The following HHIPL1 variants were observed in gnomAD, a reference collection of about 807,000 sequenced individuals.
HHIPL1 encodes HHIP like 1, also known as HHIP-like protein 1.
HHIPL1 carries 43 observed loss-of-function variants against 61.8 expected under a neutral mutation model. The ratio of observed to expected loss-of-function variants is 0.70; its 90% CI spans 0.55 to 0.90. The LOEUF (loss-of-function observed/expected upper bound fraction) is 0.90. Among genes scored for constraint, HHIPL1 ranks in the 40% least tolerant of loss-of-function variants. The pLI is 0.00. For synonymous variants in HHIPL1, 482 were observed against 515.8 expected, an observed-to-expected ratio of 0.93 and a Z score of 0.89; for missense variants, 1,056 against 1,157.7, an observed-to-expected ratio of 0.91 and a Z score of 1.28.
intron 5 of HHIPL1, among the ~76,000 whole-genome samples, chr14:99,661,421 A>AGAAGGAAGAAAGGAAGGAAGGAAG (rs2056151451): frequency 7.0e-6 from 1 of 143,406 alleles, no homozygotes; most frequent in Non-Finnish European, 1.5e-5. Flanking sequence ...GAGAGAGAAA[A>AGAAGGAAGAAAGGAAGGAAGGAAG]GAAGGAAGGA....
At chr14:99,666,630 C>A (rs913036947) in intron 6 of HHIPL1, among the ~76,000 whole-genome samples, 7 of 152,188 alleles carry the variant, frequency 4.6e-5, no homozygotes, top group African/African-American at 1.7e-4. Flanking sequence ...ACAGAGGAGA[C>A]CAGGGCTGCT....
At chr14:99,631,877 G>T in the HHIPL1 span, among the ~76,000 whole-genome samples, 1 of 152,180 alleles carries the variant, frequency 6.6e-6, no homozygotes, top group Non-Finnish European at 1.5e-5. Context: ...TGGCCAAAGT[G>T]CCCTGGAGCC....
the HHIPL1 span, among the ~76,000 whole-genome samples, chr14:99,611,920 C>T: frequency 2.0e-5 from 3 of 152,186 alleles, no homozygotes; most frequent in Non-Finnish European, 4.4e-5. Context: ...CTAATTCTTA[C>T]TCCTGCCAGA....
the HHIPL1 span, among the ~76,000 whole-genome samples, chr14:99,622,932 A>G: frequency 6.6e-6 from 1 of 152,202 alleles, no homozygotes; most frequent in East Asian, 1.9e-4. Flanking sequence ...CCTGTCATCA[A>G]TTTCAGAGCC....
the HHIPL1 span, among the ~76,000 whole-genome samples, chr14:99,618,926 G>A: frequency 2.0e-5 from 3 of 152,174 alleles, no homozygotes; most frequent in Non-Finnish European, 4.4e-5. Flanking sequence ...GGAGGAGCAT[G>A]GAGAAGCCCT....
intron 1 of HHIPL1, 81 bp downstream of exon 1, chr14:99,645,543 G>C: frequency 8.2e-7 from 1 of 1,217,614 alleles, no homozygotes; most frequent in Non-Finnish European, 1.0e-6. Context: ...CCGCGGGGGC[G>C]AGGGCCAAGA....
rs4433740 is a variant in HHIPL1 at position 99,679,343 on chromosome 14, A to G, written c.*3717A>G. The G allele has an allele frequency of 0.98, 149,705 of 152,480 alleles. 73,564 individuals carry two copies. Among genetic ancestry groups the G allele is most frequent in the Middle Eastern group, 1 (294 of 294 alleles). 9.4% of individuals were successfully genotyped at this position (152,480 alleles called of 1,614,324 possible). On this transcript the variant is annotated 3_prime_UTR_variant, in exon 9 of 9. Transcript: ENST00000330710. ...GCCTTAAAGTCCTCCAGGGCCTCTG[A>G]GGATGGGGGCACAGCCTTCACCCTC...
chr14:99,617,271 G>A, the HHIPL1 span, among the ~76,000 whole-genome samples: 8 of 152,246 alleles, frequency 5.3e-5, no homozygotes, highest in Non-Finnish European at 8.8e-5. Flanking sequence ...ACATTTACGC[G>A]ATCATCGTCA....
At chr14:99,665,979 A>G in intron 6 of HHIPL1, among the ~76,000 whole-genome samples, 1 of 151,234 alleles carries the variant, frequency 6.6e-6, no homozygotes, top group Non-Finnish European at 1.5e-5. Context: ...ATGGGGTTTC[A>G]CCATGTTGGC....
chr14:99,610,836 G>A, the HHIPL1 span, among the ~76,000 whole-genome samples: 6 of 152,128 alleles, frequency 3.9e-5, no homozygotes, highest in Non-Finnish European at 8.8e-5. Context: ...CATTTGCAGC[G>A]TGCTTCTGCC....
the HHIPL1 span, among the ~76,000 whole-genome samples, chr14:99,622,140 C>A: frequency 6.6e-6 from 1 of 152,190 alleles, no homozygotes; most frequent in East Asian, 1.9e-4. Context: ...CTGTTCAATT[C>A]CCTTCTGTTG....
intron 7 of HHIPL1, among the ~76,000 whole-genome samples, chr14:99,671,760 A>T (rs910124716): frequency 6.6e-6 from 1 of 151,998 alleles, no homozygotes; most frequent in Non-Finnish European, 1.5e-5. Flanking sequence ...AAGGCCCCAA[A>T]TCCCTCAGCT....
At chr14:99,607,261 A>G in the HHIPL1 span, among the ~76,000 whole-genome samples, 761 of 151,978 alleles carry the variant, frequency 5.0e-3, 7 homozygotes, top group African/African-American at 0.018. Context: ...GCTGGTCTCA[A>G]ACTCCTGTGC....
At chr14:99,646,832 G>GATATGATATC (rs1555376306) in intron 1 of HHIPL1, among the ~76,000 whole-genome samples, 1 of 115,004 alleles carries the variant, frequency 8.7e-6, no homozygotes, top group Admixed American at 9.5e-5. Context: ...GATATGATAT[G>GATATGATATC]ATATAATATA....
chr14:99,642,938 C>G (rs1402348054), upstream of HHIPL1, among the ~76,000 whole-genome samples: 1 of 152,164 alleles, frequency 6.6e-6, no homozygotes, highest in South Asian at 2.1e-4. Context: ...CTTTTTCCAC[C>G]AGAGCCCTTA....
the HHIPL1 span, among the ~76,000 whole-genome samples, chr14:99,618,597 C>G: frequency 6.6e-6 from 1 of 152,236 alleles, no homozygotes; most frequent in Non-Finnish European, 1.5e-5. Flanking sequence ...GCCTGAGGTC[C>G]GCTCTGGGCT....
rs1422136597 is a variant in HHIPL1 at position 99,678,761 on chromosome 14, G to A, written c.*3135G>A. ...TGGTTAAAGTATAAGGACATAGAAC[G>A]TACTATGTGCCTGTGAGCACGTCTA... On this transcript the variant is annotated 3_prime_UTR_variant, in exon 9 of 9. Coordinates refer to ENST00000330710, the MANE Select transcript of HHIPL1 (RefSeq NM_001127258.3). 1.3e-5 allele frequency: 2 copies of A among 152,212 alleles called. No individual in the cohort carries two copies. Among genetic ancestry groups the A allele is most frequent in the African/African-American group, 2.4e-5 (1 of 41,432 alleles). 9.4% of individuals were successfully genotyped at this position (152,212 alleles called of 1,614,324 possible).
chr14:99,659,530 G>T lies in HHIPL1; in HGVS notation c.1149G>T (p.Ala383=), dbSNP rs1255979970. 17 of 1,543,162 alleles carry T rather than the reference G, an allele frequency of 1.1e-5. No homozygotes were observed. The highest frequency in any genetic ancestry group is 1.5e-5 in the Non-Finnish European group (17 of 1,148,532). The change falls in exon 4 of 9, where the codon GCG becomes GCT. Residue 383 remains alanine, a synonymous_variant. Transcript: ENST00000330710. ...PPDNPFVGDP[A]AQPEVYALGV... is the part of the protein sequence containing the mutation. ...ACAACCCGTTCGTGGGCGACCCCGCGGCGCAGCCCGAGGTCTACGCCCTGG... is the reference window on the plus strand; with the variant it reads ...ACAACCCGTTCGTGGGCGACCCCGCTGCGCAGCCCGAGGTCTACGCCCTGG...
At chr14:99,669,378 A>AATTTTTTGATGAT in intron 7 of HHIPL1, 1 of 982,274 alleles carries the variant, frequency 1.0e-6, no homozygotes, top group Admixed American at 5.7e-5. Context: ...ACTTGTCTCT[A>AATTTTTTGATGAT]ACGCAAGGCC....
Sources: gnomAD v4.1 joint callset for allele counts (sites outside exome capture counted in the v4.1 genomes callset) on GRCh38, gnomAD v4.1.1 for gene constraint, MANE v1.5 for transcripts, NCBI Gene and HGNC (gene_info 2026-07-23, HGNC 2026-07-21) for gene names.